Variants in WWOX observed in about 807,000 individuals in gnomAD.
The protein encoded by WWOX is WW domain-containing oxidoreductase.
WWOX carries 69 observed loss-of-function variants against 46.2 expected under a neutral mutation model. The observed-to-expected ratio is 1.49, with a 90% CI of 1.23 to 1.82. The LOEUF is 1.82. WWOX is among the 40% of genes most tolerant of loss of function. The pLI, the probability that WWOX is intolerant of heterozygous loss-of-function variation, is 0.00. For synonymous variants in WWOX, 359 were observed against 202.6 expected, an observed-to-expected ratio of 1.77 and a Z score of -6.56; for missense variants, 919 against 542.6, an observed-to-expected ratio of 1.69 and a Z score of -6.89.
intron 4 of WWOX, among the ~76,000 whole-genome samples, chr16:78,150,963 C>A (rs2151720261): frequency 6.6e-6 from 1 of 152,146 alleles, no homozygotes; most frequent in African/African-American, 2.4e-5. Flanking sequence ...CTGCAGCCTC[C>A]AACTTCTGGG....
At chr16:78,492,454 C>T (rs960478384) in intron 8 of WWOX, among the ~76,000 whole-genome samples, 1 of 152,172 alleles carries the variant, frequency 6.6e-6, no homozygotes, top group African/African-American at 2.4e-5. Context: ...CAAACATATT[C>T]AGCATCCAAT....
chr16:78,150,420 C>T (rs768183239), intron 4 of WWOX, among the ~76,000 whole-genome samples: 3 of 151,888 alleles, frequency 2.0e-5, no homozygotes, highest in Non-Finnish European at 2.9e-5. Flanking sequence ...GCCCAGGCTG[C>T]AGTGCAGTGG....
intron 4 of WWOX, among the ~76,000 whole-genome samples, chr16:78,137,174 T>C (rs1412318920): frequency 6.6e-6 from 1 of 152,190 alleles, no homozygotes; most frequent in Non-Finnish European, 1.5e-5. Flanking sequence ...GATGCCTTTT[T>C]CCTCCTGCAA....
At chr16:78,511,363 A>T (rs1383963727) in intron 8 of WWOX, among the ~76,000 whole-genome samples, 2 of 152,168 alleles carry the variant, frequency 1.3e-5, no homozygotes, top group Non-Finnish European at 2.9e-5. Context: ...ATATTTTGAG[A>T]ACTCTGAAAT....
intron 6 of WWOX, among the ~76,000 whole-genome samples, chr16:78,391,548 C>A (rs116833070): frequency 9.9e-5 from 15 of 152,144 alleles, no homozygotes; most frequent in African/African-American, 3.6e-4. Flanking sequence ...TATGTATTGC[C>A]GAGTAAGAAA....
intron 8 of WWOX, among the ~76,000 whole-genome samples, chr16:78,864,949 G>T (rs1006627736): frequency 6.6e-6 from 1 of 151,686 alleles, no homozygotes; most frequent in East Asian, 2.0e-4. Context: ...TTTTAGTAGA[G>T]TTGGGGTTTT....
chr16:79,176,939 C>G (rs992591015), intron 8 of WWOX, among the ~76,000 whole-genome samples: 2 of 152,152 alleles, frequency 1.3e-5, no homozygotes, highest in African/African-American at 4.8e-5. Flanking sequence ...CCCTTTCCCT[C>G]TCATCAGTTT....
intron 8 of WWOX, among the ~76,000 whole-genome samples, chr16:78,550,110 A>T (rs1177577638): frequency 1.3e-5 from 2 of 152,224 alleles, no homozygotes; most frequent in Non-Finnish European, 2.9e-5. Context: ...GTGAATCTTT[A>T]AAAATTTCTT....
chr16:78,996,380 C>CT (rs1343427497), intron 8 of WWOX: 1 of 576,484 alleles, frequency 1.7e-6, no homozygotes, highest in African/African-American at 3.1e-5. Flanking sequence ...GCACCCACCC[C>CT]CGCCCCCCAG....
intron 8 of WWOX, among the ~76,000 whole-genome samples, chr16:78,532,063 GTT>G (rs568382825): frequency 7.1e-6 from 1 of 141,104 alleles, no homozygotes; most frequent in Non-Finnish European, 1.6e-5. Flanking sequence ...GGAGTAGGGA[GTT>G]TTTTTTTTTT....
chr16:78,679,822 C>A (rs898135838), intron 8 of WWOX, among the ~76,000 whole-genome samples: 1 of 152,202 alleles, frequency 6.6e-6, no homozygotes, highest in Non-Finnish European at 1.5e-5. Flanking sequence ...GAAAGAGACA[C>A]TCAGAGTCAA....
At chr16:79,131,643 T>C (rs2049880553) in intron 8 of WWOX, among the ~76,000 whole-genome samples, 2 of 152,192 alleles carry the variant, frequency 1.3e-5, no homozygotes, top group Admixed American at 6.5e-5. Flanking sequence ...TGAGGCTTTA[T>C]CTCTGCCATG....
intron 8 of WWOX, among the ~76,000 whole-genome samples, chr16:78,657,365 C>T (rs1272661879): frequency 6.6e-6 from 1 of 152,138 alleles, no homozygotes; most frequent in Non-Finnish European, 1.5e-5. Flanking sequence ...CCTCATAGTT[C>T]TCCCCCATCC....
intron 8 of WWOX, among the ~76,000 whole-genome samples, chr16:78,984,858 A>T (rs182844886): frequency 3.9e-5 from 6 of 152,296 alleles, no homozygotes; most frequent in Admixed American, 3.3e-4. Flanking sequence ...ACGAGGAAGA[A>T]GGGTGCATGG....
intron 8 of WWOX, chr16:78,552,162 A>T (rs2044189858): frequency 6.6e-6 from 1 of 152,202 alleles, no homozygotes; most frequent in Non-Finnish European, 1.5e-5. Context: ...TTTCACATGC[A>T]AATGTGACCT....
chr16:78,896,999 G>T (rs56215585), intron 8 of WWOX: 41,347 of 151,216 alleles, frequency 0.27, 6,255 homozygotes, highest in Non-Finnish European at 0.35. Flanking sequence ...AGGCTGAGGA[G>T]GGTGGACCAC....
At chr16:78,215,429 C>A (rs904444802) in intron 5 of WWOX, among the ~76,000 whole-genome samples, 1 of 152,166 alleles carries the variant, frequency 6.6e-6, no homozygotes, top group Non-Finnish European at 1.5e-5. Context: ...CTCGTGAGAT[C>A]TGATAGTTTT....
chr16:78,720,928 C>T (rs1251455430), intron 8 of WWOX, among the ~76,000 whole-genome samples: 1 of 152,134 alleles, frequency 6.6e-6, no homozygotes, highest in African/African-American at 2.4e-5. Context: ...CAGGATGAAA[C>T]CAAGAGCACT....
At chr16:78,998,988 T>G (rs982139609) in intron 8 of WWOX, among the ~76,000 whole-genome samples, 2 of 152,178 alleles carry the variant, frequency 1.3e-5, no homozygotes, top group African/African-American at 4.8e-5. Context: ...GTCCCAGATG[T>G]AACAGCGGAA....
Sources: allele counts gnomAD v4.1 joint callset (sites outside exome capture counted in the v4.1 genomes callset), GRCh38; gene constraint gnomAD v4.1.1; transcripts MANE v1.5; gene names NCBI Gene and HGNC (gene_info 2026-07-23, HGNC 2026-07-21).